ATP8A2: variants seen among roughly 807,000 people sequenced by gnomAD.
ATP8A2 encodes the protein ATPase phospholipid transporting 8A2, also known as phospholipid-transporting ATPase IB.
In ATP8A2, 100 loss-of-function variants were observed where a neutral mutation model predicts 165.6. That is an observed-to-expected ratio of 0.60 (90% CI 0.51 to 0.71). The LOEUF is 0.71. Among genes scored for constraint, ATP8A2 ranks in the 30% least tolerant of loss-of-function variants. The pLI is 0.00. For missense variants in ATP8A2, 1,227 were observed against 1,479.5 expected (o/e 0.83, Z 2.80); for synonymous variants, 543 against 548.8 (o/e 0.99, Z 0.15).
chr13:25,937,148 A>G (rs950110558), intron 33 of ATP8A2, among the ~76,000 whole-genome samples: 12 of 152,218 alleles, frequency 7.9e-5, no homozygotes, highest in Admixed American at 3.3e-4. Flanking sequence ...GTTGATTAAT[A>G]TTTTTTAAAG....
At chr13:25,895,005 T>C (rs1485668146) in intron 33 of ATP8A2, among the ~76,000 whole-genome samples, 1 of 152,230 alleles carries the variant, frequency 6.6e-6, no homozygotes, top group Non-Finnish European at 1.5e-5. Flanking sequence ...CTTCCTCTTT[T>C]CCTAATTGAA....
intron 25 of ATP8A2, among the ~76,000 whole-genome samples, chr13:25,709,997 C>T (rs1025483870): frequency 5.9e-5 from 9 of 152,128 alleles, no homozygotes; most frequent in Admixed American, 1.3e-4. Flanking sequence ...GATAACTCAT[C>T]GCTGGGTGTC....
intron 30 of ATP8A2, among the ~76,000 whole-genome samples, chr13:25,847,851 G>C (rs1593442301): frequency 6.6e-6 from 1 of 152,130 alleles, no homozygotes; most frequent in Non-Finnish European, 1.5e-5. Flanking sequence ...CCAAGCCCGA[G>C]CCCACACCCC....
At chr13:25,912,155 G>GACACACACAC (rs3056187) in intron 33 of ATP8A2, among the ~76,000 whole-genome samples, 3 of 141,148 alleles carry the variant, frequency 2.1e-5, no homozygotes, top group Non-Finnish European at 3.1e-5. Context: ...GAAAATGTGA[G>GACACACACAC]ACACACACAC....
chr13:26,011,390 A>T (rs566905016), intron 35 of ATP8A2, among the ~76,000 whole-genome samples: 1 of 152,138 alleles, frequency 6.6e-6, no homozygotes, highest in African/African-American at 2.4e-5. Flanking sequence ...ATTAGGGCCC[A>T]CCCTGATGAC....
At chr13:25,557,915 T>TA (rs1269594818) in intron 13 of ATP8A2, among the ~76,000 whole-genome samples, 4 of 152,294 alleles carry the variant, frequency 2.6e-5, no homozygotes, top group African/African-American at 9.6e-5. Flanking sequence ...AAATTTTTTT[T>TA]TTTTTGAGAT....
chr13:25,561,415 A>G (rs189485191), intron 15 of ATP8A2, among the ~76,000 whole-genome samples: 1 of 151,210 alleles, frequency 6.6e-6, no homozygotes, highest in Admixed American at 6.6e-5. Context: ...TTGATCTTCT[A>G]TCCTTCGTCA....
intron 24 of ATP8A2, among the ~76,000 whole-genome samples, chr13:25,640,963 T>G (rs2041504357): frequency 2.0e-5 from 3 of 152,176 alleles, no homozygotes; most frequent in Admixed American, 2.0e-4. Flanking sequence ...CGCAAATCAA[T>G]AAATGTAATC....
At chr13:25,440,601 G>A (rs942340276) in intron 1 of ATP8A2, among the ~76,000 whole-genome samples, 1 of 152,162 alleles carries the variant, frequency 6.6e-6, no homozygotes, top group Non-Finnish European at 1.5e-5. Context: ...CCTCTCACCC[G>A]CGGCTGGAGA....
chr13:25,956,505 G>T (rs141748549), intron 33 of ATP8A2, among the ~76,000 whole-genome samples: 3 of 152,170 alleles, frequency 2.0e-5, no homozygotes, highest in African/African-American at 7.2e-5. Flanking sequence ...AATCATAAGC[G>T]AACTTCCATT....
intron 1 of ATP8A2, among the ~76,000 whole-genome samples, chr13:25,383,000 C>T (rs193139680): frequency 9.1e-4 from 136 of 149,304 alleles, no homozygotes; most frequent in Middle Eastern, 3.7e-3. Flanking sequence ...CGTGATCTGC[C>T]CACCTTGGCC....
At chr13:25,419,303 G>A (rs1030701476) in intron 1 of ATP8A2, among the ~76,000 whole-genome samples, 2 of 152,102 alleles carry the variant, frequency 1.3e-5, no homozygotes, top group Admixed American at 1.3e-4. Context: ...GAGAAATACT[G>A]ATGTTGCTAT....
chr13:25,447,016 T>C (rs1263070157), intron 1 of ATP8A2, among the ~76,000 whole-genome samples: 1 of 152,160 alleles, frequency 6.6e-6, no homozygotes, highest in Non-Finnish European at 1.5e-5. Context: ...CCACCACACC[T>C]GGCCTTAAAC....
chr13:25,380,652 G>T (rs892979041), intron 1 of ATP8A2, among the ~76,000 whole-genome samples: 2 of 151,884 alleles, frequency 1.3e-5, no homozygotes, highest in African/African-American at 4.8e-5. Flanking sequence ...TTGTATATGT[G>T]GTCTGCATTA....
chr13:25,621,810 A>G (rs2040975709), intron 24 of ATP8A2, among the ~76,000 whole-genome samples: 1 of 152,182 alleles, frequency 6.6e-6, no homozygotes, highest in South Asian at 2.1e-4. Context: ...TTTAAAATCC[A>G]CAGTGAGCCC....
intron 24 of ATP8A2, among the ~76,000 whole-genome samples, chr13:25,670,851 A>T (rs2042248761): frequency 6.6e-6 from 1 of 152,190 alleles, no homozygotes; most frequent in Admixed American, 6.5e-5. Context: ...GGCCACTAAC[A>T]CTGCAAGCTT....
chr13:25,622,404 C>CAT (rs1308788603), intron 24 of ATP8A2, among the ~76,000 whole-genome samples: 1 of 151,988 alleles, frequency 6.6e-6, no homozygotes, highest in Non-Finnish European at 1.5e-5. Context: ...AAGGCTACCA[C>CAT]ATGAAAGTGG....
At chr13:25,732,409 T>C (rs2043671784) in intron 25 of ATP8A2, among the ~76,000 whole-genome samples, 1 of 152,234 alleles carries the variant, frequency 6.6e-6, no homozygotes, top group African/African-American at 2.4e-5. Flanking sequence ...TTCGAGGTAG[T>C]GGCCATGTGA....
intron 27 of ATP8A2, among the ~76,000 whole-genome samples, chr13:25,777,145 A>C (rs2044760803): frequency 6.6e-6 from 1 of 152,162 alleles, no homozygotes; most frequent in Non-Finnish European, 1.5e-5. Context: ...AGCCTTTTAA[A>C]CATTCTTTAT....
Sources: gnomAD v4.1 joint callset for allele counts (sites outside exome capture counted in the v4.1 genomes callset) on GRCh38, gnomAD v4.1.1 for gene constraint, MANE v1.5 for transcripts, NCBI Gene and HGNC (gene_info 2026-07-23, HGNC 2026-07-21) for gene names.